Variants in STK3 observed in about 807,000 individuals in gnomAD.
STK3 encodes the protein serine/threonine-protein kinase 3.
A neutral mutation model predicts 58.0 loss-of-function variants in STK3; 41 were observed. That is an observed-to-expected ratio of 0.71 (90% CI 0.55 to 0.92). The LOEUF (loss-of-function observed/expected upper bound fraction) is 0.92. Among genes scored for constraint, STK3 ranks in the 40% least tolerant of loss-of-function variants. STK3 has a pLI of 0.00. For missense variants in STK3, 479 were observed against 602.7 expected, an observed-to-expected ratio of 0.79 and a Z score of 2.15; for synonymous variants, 170 against 191.0, an observed-to-expected ratio of 0.89 and a Z score of 0.91.
chr8:98,587,492 T>C (rs1460189903), intron 7 of STK3, among the ~76,000 whole-genome samples: 1 of 152,126 alleles, frequency 6.6e-6, no homozygotes, highest in Non-Finnish European at 1.5e-5. Context: ...TTCTTTTACA[T>C]TTGCTGAGGA....
chr8:98,835,379 A>G (rs901571897), intron 3 of STK3, among the ~76,000 whole-genome samples: 1 of 152,222 alleles, frequency 6.6e-6, no homozygotes, highest in African/African-American at 2.4e-5. Flanking sequence ...ATTGCAAAAG[A>G]AAAAGGTTTC....
At chr8:98,504,319 T>C (rs147658576) in intron 10 of STK3, among the ~76,000 whole-genome samples, 2,711 of 150,550 alleles carry the variant, frequency 0.018, 82 homozygotes, top group African/African-American at 0.063. Context: ...ATACAGCACA[T>C]TGATGGGTCT....
At chr8:98,609,966 C>CA (rs1183279988) in intron 6 of STK3, among the ~76,000 whole-genome samples, 1,298 of 73,250 alleles carry the variant, frequency 0.018, 3 homozygotes, top group African/African-American at 0.03. Flanking sequence ...GACTCCGTCT[C>CA]AAAAAAAAAA....
intron 1 of STK3, among the ~76,000 whole-genome samples, chr8:98,893,783 C>G (rs1397316436): frequency 1.3e-5 from 2 of 152,236 alleles, no homozygotes; most frequent in African/African-American, 4.8e-5. Flanking sequence ...TGACTGTGGC[C>G]TGTGCCATGG....
chr8:98,353,035 C>T, the STK3 span, among the ~76,000 whole-genome samples: 1 of 152,300 alleles, frequency 6.6e-6, no homozygotes, highest in Non-Finnish European at 1.5e-5. Context: ...GATGGTGATG[C>T]CAAGCAACCA....
chr8:98,467,684 G>C (rs1391043756), intron 10 of STK3, among the ~76,000 whole-genome samples: 1 of 151,924 alleles, frequency 6.6e-6, no homozygotes, highest in African/African-American at 2.4e-5. Context: ...ATAGTTTCAT[G>C]CTCCACTACA....
rs530912235 is a variant in STK3, at chr8:98,712,780, G to A, written c.352-5469C>T. 8.4e-3 allele frequency among the ~76,000 whole-genome samples: 1,274 copies of A among 151,980 alleles called. 10 individuals are homozygous for A. The highest frequency in any genetic ancestry group is 0.024 in the African/African-American group (979 of 41,394). ...AATTGAACTCAGCTGTGCACCAAGC[G>A]GACCTAATAGACATCTACAGAACTC... is the stretch of plus-strand genomic sequence containing the variant. On this transcript the variant is annotated intron_variant, in intron 4 of 10. Coordinates refer to ENST00000419617, the MANE Select transcript of STK3 (RefSeq NM_006281.4).
At chr8:98,617,560 C>T (rs187265052) in intron 6 of STK3, among the ~76,000 whole-genome samples, 106 of 151,462 alleles carry the variant, frequency 7.0e-4, no homozygotes, top group African/African-American at 2.2e-3. Context: ...ATTGATAGAC[C>T]GCTAGCAAGA....
At chr8:98,937,851 G>C (rs764869986) in intron 1 of STK3, among the ~76,000 whole-genome samples, 1 of 152,184 alleles carries the variant, frequency 6.6e-6, no homozygotes, top group Non-Finnish European at 1.5e-5. Context: ...ATTGGCCTTG[G>C]CATTTCCTAA....
At chr8:98,783,266 A>T (rs895616718) in intron 1 of STK3, among the ~76,000 whole-genome samples, 15 of 152,232 alleles carry the variant, frequency 9.9e-5, no homozygotes, top group Admixed American at 3.3e-4. Flanking sequence ...TGTGTACAAT[A>T]GCATTATGTC....
At chr8:98,936,622 G>T (rs1387471612) in intron 1 of STK3, among the ~76,000 whole-genome samples, 3 of 152,190 alleles carry the variant, frequency 2.0e-5, no homozygotes, top group Non-Finnish European at 4.4e-5. Flanking sequence ...TGAGACAGAG[G>T]GGGAGCAGGA....
At chr8:98,389,364 ACT>A (rs1191128880), upstream of STK3, among the ~76,000 whole-genome samples, 2 of 152,098 alleles carry the variant, frequency 1.3e-5, no homozygotes, top group African/African-American at 4.8e-5. Flanking sequence ...GACAACAGGG[ACT>A]CTCTGTTCTT....
the STK3 span, among the ~76,000 whole-genome samples, chr8:98,353,531 G>A: frequency 0.94 from 143,529 of 152,274 alleles, 67,770 homozygotes; most frequent in Middle Eastern, 0.98. Flanking sequence ...TGAAACATAA[G>A]TGAATTTTGT....
chr8:98,632,295 A>G (rs1200772933), intron 6 of STK3, among the ~76,000 whole-genome samples: 2 of 152,236 alleles, frequency 1.3e-5, no homozygotes, highest in Non-Finnish European at 2.9e-5. Flanking sequence ...GAGATTGGCG[A>G]CCATGTGAAC....
At chr8:98,745,696 G>A (rs572927251) in intron 4 of STK3, among the ~76,000 whole-genome samples, 1 of 152,188 alleles carries the variant, frequency 6.6e-6, no homozygotes, top group South Asian at 2.1e-4. Context: ...CTTACAAGAT[G>A]AGAAGGTCAA....
At chr8:98,345,427 C>A in the STK3 span, among the ~76,000 whole-genome samples, 1 of 151,982 alleles carries the variant, frequency 6.6e-6, no homozygotes, top group African/African-American at 2.4e-5. Context: ...CCCTTTTCTG[C>A]TTTTGGTAAG....
At chr8:98,671,865 A>G (rs1822856502) in intron 6 of STK3, among the ~76,000 whole-genome samples, 1 of 152,194 alleles carries the variant, frequency 6.6e-6, no homozygotes, top group Admixed American at 6.5e-5. Context: ...GGTGGAGATA[A>G]CTGAATCACA....
intron 10 of STK3, among the ~76,000 whole-genome samples, chr8:98,507,274 C>A (rs1287509880): frequency 4.6e-5 from 7 of 152,314 alleles, no homozygotes; most frequent in South Asian, 2.1e-4. Context: ...TGCAGAAGAA[C>A]TTCCCAGCCA....
chr8:98,664,449 G>C (rs72666675), intron 6 of STK3, among the ~76,000 whole-genome samples: 1 of 152,092 alleles, frequency 6.6e-6, no homozygotes, highest in Non-Finnish European at 1.5e-5. Flanking sequence ...AGAATTGTTT[G>C]CTAAGCTTGA....
Sources: gnomAD v4.1 joint callset for allele counts (sites outside exome capture counted in the v4.1 genomes callset) on GRCh38, gnomAD v4.1.1 for gene constraint, MANE v1.5 for transcripts, NCBI Gene and HGNC (gene_info 2026-07-23, HGNC 2026-07-21) for gene names.